Variants in CDC14B observed in about 807,000 individuals in gnomAD.
CDC14B encodes the protein dual specificity protein phosphatase CDC14B.
Under a neutral mutation model 64.2 loss-of-function variants are expected in CDC14B, and 22 were observed. The ratio of observed to expected loss-of-function variants is 0.34; its 90% confidence interval spans 0.24 to 0.49. The LOEUF is 0.49. Ranked by LOEUF, CDC14B falls within the 20% of genes least tolerant of loss-of-function variation. The pLI, the probability that CDC14B is intolerant of heterozygous loss-of-function variation, is 0.99. For synonymous variants in CDC14B, 191 were observed against 215.8 expected, an observed-to-expected ratio of 0.89 and a Z score of 1.01; for missense variants, 498 against 629.9, an observed-to-expected ratio of 0.79 and a Z score of 2.24.
At chr9:96,503,884 G>A in intron 13 of CDC14B, 95 bp from the exon 14 acceptor site, 2 of 947,356 alleles carry the variant, frequency 2.1e-6, no homozygotes, top group Non-Finnish European at 3.4e-6. Context: ...TAAAAATACT[G>A]ACATGCTAAA....
At chr9:96,498,763 C>G (rs796212224), downstream of CDC14B, among the ~76,000 whole-genome samples, 7 of 152,376 alleles carry the variant, frequency 4.6e-5, no homozygotes, top group African/African-American at 1.7e-4. Flanking sequence ...TATTTTAACT[C>G]TCATACCAAC....
At chr9:96,534,579 G>A (rs754145601) in intron 7 of CDC14B, 37 bp from the exon 8 acceptor site, 17 of 1,376,024 alleles carry the variant, frequency 1.2e-5, no homozygotes, top group Non-Finnish European at 1.6e-5. Flanking sequence ...GTTTTTAAAT[G>A]TATTCTCCCC....
chr9:96,619,027 C>T (rs770765732), intron 1 of CDC14B, among the ~76,000 whole-genome samples, 192 bp downstream of exon 1: 2 of 150,852 alleles, frequency 1.3e-5, no homozygotes, highest in Non-Finnish European at 3.0e-5. Context: ...CAGCTAGAAA[C>T]TCGGGGCGGG....
intron 1 of CDC14B, among the ~76,000 whole-genome samples, chr9:96,600,345 C>T (rs1171675011): frequency 2.0e-5 from 3 of 151,878 alleles, no homozygotes; most frequent in African/African-American, 7.2e-5. Flanking sequence ...AAGAACTGGA[C>T]AGATGAGGGC....
chr9:96,583,233 A>C (rs1217496992), intron 1 of CDC14B, among the ~76,000 whole-genome samples: 1 of 152,132 alleles, frequency 6.6e-6, no homozygotes, highest in Admixed American at 6.6e-5. Flanking sequence ...AGATTTGTCT[A>C]AAATATTTTA....
chr9:96,600,254 A>G (rs992325228), intron 1 of CDC14B, among the ~76,000 whole-genome samples: 7 of 150,524 alleles, frequency 4.7e-5, no homozygotes, highest in Non-Finnish European at 1.0e-4. Flanking sequence ...ATATATATAT[A>G]TATTTTATGC....
chr9:96,522,655 G>T, intron 11 of CDC14B, 52 bp from the exon 12 acceptor site: 1 of 1,107,950 alleles, frequency 9.0e-7, no homozygotes, highest in Non-Finnish European at 1.4e-6. Flanking sequence ...ACTTATTAAT[G>T]CAGTACAGCA....
intron 1 of CDC14B, among the ~76,000 whole-genome samples, chr9:96,595,415 A>G (rs1846013469): frequency 6.6e-6 from 1 of 152,262 alleles, no homozygotes; most frequent in Non-Finnish European, 1.5e-5. Context: ...ACTGACATAC[A>G]GTTGGAGTCA....
intron 1 of CDC14B, among the ~76,000 whole-genome samples, chr9:96,585,420 C>T (rs1425460742): frequency 6.6e-6 from 1 of 151,652 alleles, no homozygotes; most frequent in Non-Finnish European, 1.5e-5. Flanking sequence ...TCCCTGTGTT[C>T]TCATTGTAAG....
At chr9:96,553,724 G>C (rs187652977) in intron 4 of CDC14B, among the ~76,000 whole-genome samples, 29 of 152,148 alleles carry the variant, frequency 1.9e-4, no homozygotes, top group Admixed American at 8.5e-4. Context: ...AAAAAAATCA[G>C]CCTGTTTTTT....
chr9:96,561,779 G>A (rs371319308), intron 4 of CDC14B, among the ~76,000 whole-genome samples: 4 of 151,958 alleles, frequency 2.6e-5, no homozygotes, highest in South Asian at 2.1e-4. Flanking sequence ...AAGCCACTGC[G>A]CCCGGCCAAA....
Position 96,567,192 on chromosome 9 carries a change from C to A in CDC14B, c.161-1709G>T, listed in dbSNP as rs1027704145. ...AGAGGGGACATGCGTCAGAGGCCAGCGGGCCTGCAGAGGGAAGAGTCTGGG... is the reference window on the plus strand; with the variant it reads ...AGAGGGGACATGCGTCAGAGGCCAGAGGGCCTGCAGAGGGAAGAGTCTGGG... On this transcript the variant is annotated intron_variant, in intron 1 of 13. Transcript: ENST00000375241. 4.8e-5 allele frequency: 14 copies of A among 292,478 alleles called. 1 individual carries two copies. Among genetic ancestry groups the A allele is most frequent in the South Asian group, 1.3e-4 (3 of 23,150 alleles). 18.1% of individuals were successfully genotyped at this position (292,478 alleles called of 1,614,324 possible). A position where few individuals can be genotyped will look rare whatever the true frequency, so the allele number is the denominator to read the frequency against.
At chr9:96,600,752 C>T (rs1846382140) in intron 1 of CDC14B, among the ~76,000 whole-genome samples, 1 of 152,138 alleles carries the variant, frequency 6.6e-6, no homozygotes, top group Admixed American at 6.6e-5. Context: ...ATCCACCTGC[C>T]TCAGCTTCCC....
chr9:96,514,855 C>T, intron 12 of CDC14B: 2 of 985,346 alleles, frequency 2.0e-6, no homozygotes, highest in South Asian at 9.4e-5. Context: ...AGAAATAAAG[C>T]CTCTTCGCTG....
chr9:96,573,719 T>C (rs1390200248), intron 1 of CDC14B, among the ~76,000 whole-genome samples: 1 of 152,170 alleles, frequency 6.6e-6, no homozygotes, highest in Admixed American at 6.5e-5. Context: ...TACATGTAAA[T>C]TGCATGCTGA....
At chr9:96,541,935 G>T in intron 5 of CDC14B, 43 bp from the exon 6 acceptor site, 1 of 1,353,578 alleles carries the variant, frequency 7.4e-7, no homozygotes, top group Non-Finnish European at 1.1e-6. Context: ...TTAATTTTCT[G>T]CAATTACACT....
chr9:96,591,489 A>G (rs1176854516), intron 1 of CDC14B, among the ~76,000 whole-genome samples: 1 of 152,104 alleles, frequency 6.6e-6, no homozygotes, highest in African/African-American at 2.4e-5. Context: ...GCTTTGTAAT[A>G]TATTCTGAAA....
chr9:96,615,629 T>C (rs573936203), intron 1 of CDC14B, among the ~76,000 whole-genome samples: 5 of 152,334 alleles, frequency 3.3e-5, no homozygotes, highest in South Asian at 4.1e-4. Flanking sequence ...TGTGGAATAA[T>C]TGGTGCATTG....
At chr9:96,512,318 T>A (rs1171575760) in intron 12 of CDC14B, among the ~76,000 whole-genome samples, 1 of 149,472 alleles carries the variant, frequency 6.7e-6, no homozygotes, top group South Asian at 2.1e-4. Flanking sequence ...GTTTTTAAAA[T>A]TTTTTTTCTT....
Sources: allele counts gnomAD v4.1 joint callset (sites outside exome capture counted in the v4.1 genomes callset), GRCh38; gene constraint gnomAD v4.1.1; transcripts MANE v1.5; gene names NCBI Gene and HGNC (gene_info 2026-07-23, HGNC 2026-07-21).